The following ENAH variants were observed in gnomAD, a reference collection of about 807,000 sequenced individuals.
ENAH encodes the protein ENAH actin regulator.
In ENAH, 23 loss-of-function variants were observed where a neutral mutation model predicts 78.7. The observed-to-expected ratio is 0.29, with a 90% CI of 0.21 to 0.41. The LOEUF (loss-of-function observed/expected upper bound fraction) is 0.41, where lower values mean the gene tolerates loss of function less well. Ranked by LOEUF, ENAH falls within the 10% of genes least tolerant of loss-of-function variation. ENAH has a pLI of 1.00. For synonymous variants in ENAH, 226 were observed against 241.0 expected (o/e 0.94, Z 0.58); for missense variants, 544 against 691.0 (o/e 0.79, Z 2.39).
intron 1 of ENAH, among the ~76,000 whole-genome samples, chr1:225,638,107 C>CA (rs997218695): frequency 2.0e-5 from 3 of 151,742 alleles, no homozygotes; most frequent in Non-Finnish European, 2.9e-5. Context: ...TCCCATTTTG[C>CA]AAAAAAAGAA....
intron 1 of ENAH, among the ~76,000 whole-genome samples, chr1:225,642,716 G>A (rs1379054852): frequency 1.3e-5 from 2 of 152,142 alleles, no homozygotes; most frequent in African/African-American, 4.8e-5. Flanking sequence ...ATATGTATAT[G>A]CACTATGAAG....
intron 1 of ENAH, among the ~76,000 whole-genome samples, chr1:225,597,655 CA>C (rs565567062): frequency 0.12 from 7,150 of 61,154 alleles, 153 homozygotes; most frequent in African/African-American, 0.17. Context: ...AAGAGCATCT[CA>C]AAAAAAAAAA....
intron 9 of ENAH, 90 bp downstream of exon 9, chr1:225,512,567 C>T (rs145140042): frequency 7.5e-7 from 1 of 1,327,530 alleles, no homozygotes; most frequent in African/African-American, 1.5e-5. Flanking sequence ...TAATTAAGCC[C>T]AAATTAAATA....
intron 1 of ENAH, among the ~76,000 whole-genome samples, chr1:225,586,241 C>CAAAAAA (rs34817622): frequency 8.0e-5 from 8 of 100,616 alleles, no homozygotes; most frequent in Middle Eastern, 5.0e-3. Flanking sequence ...GAGACAAGCT[C>CAAAAAA]AAAAAAAAAA....
intron 1 of ENAH, among the ~76,000 whole-genome samples, chr1:225,651,305 C>A (rs1300497817): frequency 3.3e-5 from 5 of 151,268 alleles, no homozygotes; most frequent in Admixed American, 3.3e-4. Context: ...AAAAAAAATT[C>A]AAATTCACAG....
At chr1:225,633,107 A>C (rs1176939158) in intron 1 of ENAH, among the ~76,000 whole-genome samples, 2 of 151,696 alleles carry the variant, frequency 1.3e-5, no homozygotes, top group Non-Finnish European at 2.9e-5. Flanking sequence ...CAGTGGCGCA[A>C]TCTCGGCTCA....
intron 10 of ENAH, among the ~76,000 whole-genome samples, chr1:225,511,091 T>C (rs1489152900): frequency 6.6e-6 from 1 of 152,144 alleles, no homozygotes; most frequent in East Asian, 1.9e-4. Flanking sequence ...ATCAAAACTG[T>C]AGGAATATAA....
At chr1:225,573,188 A>T (rs1300896822) in intron 1 of ENAH, among the ~76,000 whole-genome samples, 1 of 152,212 alleles carries the variant, frequency 6.6e-6, no homozygotes, top group Non-Finnish European at 1.5e-5. Context: ...AACAAATATC[A>T]ATTTCTTTTC....
At chr1:225,506,655 C>G (rs2096333093) in intron 11 of ENAH, among the ~76,000 whole-genome samples, 1 of 152,174 alleles carries the variant, frequency 6.6e-6, no homozygotes, top group African/African-American at 2.4e-5. Flanking sequence ...AAGCAATTCC[C>G]CCTTTCTTCT....
rs2096659931 is a variant in ENAH, at chr1:225,555,159, T to G, written c.172-76A>C. On this transcript the variant is annotated intron_variant, in intron 2 of 13. Transcript: ENST00000366843. ...AGGATGTCAACAAATGCTGATTGTA[T>G]ATATTCATTCAAATGTGTTCCTAAC... The G allele has an allele frequency of 2.4e-6, 3 of 1,273,862 alleles. No homozygotes were observed. The Admixed American group carries it at 6.7e-5, about 29-fold the overall frequency. The allele number at this position is 1,273,862 out of a possible 1,614,324, so 78.9% of individuals were successfully genotyped here.
chr1:225,595,400 A>G (rs1398478517), intron 1 of ENAH, among the ~76,000 whole-genome samples: 1 of 152,130 alleles, frequency 6.6e-6, no homozygotes, highest in Non-Finnish European at 1.5e-5. Flanking sequence ...TCTTGACAGG[A>G]GTAGCTGGTC....
chr1:225,581,268 T>G (rs985514946), intron 1 of ENAH: 2 of 984,678 alleles, frequency 2.0e-6, no homozygotes, highest in South Asian at 9.4e-5. Flanking sequence ...CTGTAGTTCT[T>G]CTTTTCCTCA....
At chr1:225,517,353 G>A in intron 5 of ENAH, 47 bp from the exon 6 acceptor site, 1 of 1,551,752 alleles carries the variant, frequency 6.4e-7, no homozygotes, top group African/African-American at 1.4e-5. Flanking sequence ...AGGGAGTTGA[G>A]GCAATAGGGG....
chr1:225,569,415 G>A (rs1026585611), intron 1 of ENAH, among the ~76,000 whole-genome samples: 1 of 152,200 alleles, frequency 6.6e-6, no homozygotes, highest in East Asian at 1.9e-4. Flanking sequence ...CATGGCACAC[G>A]TATACCTATG....
chr1:225,574,570 C>A (rs554190165), intron 1 of ENAH, among the ~76,000 whole-genome samples: 1 of 151,786 alleles, frequency 6.6e-6, no homozygotes, highest in East Asian at 1.9e-4. Flanking sequence ...CCACTGCACT[C>A]CAGCCTGGGT....
At chr1:225,624,689 G>C (rs1406751558) in intron 1 of ENAH, among the ~76,000 whole-genome samples, 1 of 151,970 alleles carries the variant, frequency 6.6e-6, no homozygotes, top group African/African-American at 2.4e-5. Flanking sequence ...AATTCCCCAG[G>C]TGTGGTGGTG....
Position 225,528,200 on chromosome 1 carries a change from A to G in ENAH, c.434+2354T>C, listed in dbSNP as rs1361124290. 2.0e-5 allele frequency among the ~76,000 whole-genome samples: 3 copies of G among 152,196 alleles called. No individual in the cohort carries two copies. The East Asian group carries it at 5.8e-4, about 29-fold the overall frequency. On this transcript the variant is annotated intron_variant, in intron 4 of 13. Coordinates refer to ENST00000366843, the MANE Select transcript of ENAH (RefSeq NM_018212.6). ...TGTTCACTGTGGAGGTAATACTCAA[A>G]TGTAAAATAAACACGTAGGAAGAAA...
intron 2 of ENAH, among the ~76,000 whole-genome samples, chr1:225,563,627 T>C (rs1279922786): frequency 6.6e-6 from 1 of 152,216 alleles, no homozygotes; most frequent in African/African-American, 2.4e-5. Flanking sequence ...AAGCCCTATT[T>C]GATCAAGAAG....
At position 225,488,227 on chromosome 1, in the gene ENAH, C is replaced by A. The variant is rs1216562092; in HGVS notation, c.*9548G>T. 6.6e-6 allele frequency: 1 copy of A among 151,982 alleles called. No homozygotes were observed. Among genetic ancestry groups the A allele is most frequent in the Non-Finnish European group, 1.5e-5 (1 of 68,024 alleles). The allele number at this position is 151,982 out of a possible 1,614,324, so 9.4% of individuals were successfully genotyped here. A position where few individuals can be genotyped will look rare whatever the true frequency, so the allele number is the denominator to read the frequency against. On this transcript the variant is annotated 3_prime_UTR_variant, in exon 14 of 14. Coordinates refer to ENST00000366843, the MANE Select transcript of ENAH (RefSeq NM_018212.6). ...AGGAGACAGGCCTCGCTATGTTGCC[C>A]AGGCTGGCCTCCAACTTTGGGCTCA...
Sources: gnomAD v4.1 joint callset for allele counts (sites outside exome capture counted in the v4.1 genomes callset) on GRCh38, gnomAD v4.1.1 for gene constraint, MANE v1.5 for transcripts, NCBI Gene and HGNC (gene_info 2026-07-23, HGNC 2026-07-21) for gene names.